DNAJB6: variants seen among roughly 807,000 people sequenced by gnomAD.
The protein encoded by DNAJB6 is dnaJ homolog subfamily B member 6.
Under a neutral mutation model 42.7 loss-of-function variants are expected in DNAJB6, and 16 were observed. The observed-to-expected ratio is 0.37, with a 90% CI of 0.25 to 0.57. DNAJB6 has a LOEUF of 0.57. Among genes scored for constraint, DNAJB6 ranks in the 20% least tolerant of loss-of-function variants. The pLI is 0.74. For missense variants in DNAJB6, 347 were observed against 416.8 expected, an observed-to-expected ratio of 0.83 and a Z score of 1.46; for synonymous variants, 170 against 163.5, an observed-to-expected ratio of 1.04 and a Z score of -0.30.
At chr7:157,380,865 T>TG (rs1341051622) in intron 5 of DNAJB6, 1 of 152,468 alleles carries the variant, frequency 6.6e-6, no homozygotes, top group African/African-American at 2.4e-5. Flanking sequence ...CCTCAGCCTT[T>TG]GCTTCTCACT....
At chr7:157,360,840 C>T (rs1347809131) in intron 2 of DNAJB6, among the ~76,000 whole-genome samples, 1 of 152,148 alleles carries the variant, frequency 6.6e-6, no homozygotes, top group African/African-American at 2.4e-5. Flanking sequence ...ACACCATGGG[C>T]CTTCCTTCCT....
chr7:157,343,028 G>C (rs1798494174), intron 1 of DNAJB6, among the ~76,000 whole-genome samples: 1 of 148,974 alleles, frequency 6.7e-6, no homozygotes, highest in Non-Finnish European at 1.5e-5. Flanking sequence ...GTCTCACTCT[G>C]TCACTTAGGC....
chr7:157,348,235 G>A (rs1798788021), intron 1 of DNAJB6, among the ~76,000 whole-genome samples: 1 of 151,848 alleles, frequency 6.6e-6, no homozygotes, highest in Admixed American at 6.6e-5. Context: ...TGGGATTACA[G>A]GCGCCCACCA....
intron 1 of DNAJB6, among the ~76,000 whole-genome samples, chr7:157,353,524 T>A (rs76321475): frequency 6.6e-6 from 1 of 151,942 alleles, no homozygotes; most frequent in Non-Finnish European, 1.5e-5. Context: ...GAACCCAGAT[T>A]GTATTTAGTT....
intron 1 of DNAJB6, among the ~76,000 whole-genome samples, chr7:157,348,827 C>T (rs574754744): frequency 6.6e-6 from 1 of 152,264 alleles, no homozygotes; most frequent in African/African-American, 2.4e-5. Context: ...ACGTTCCACC[C>T]TACTAACTTG....
chr7:157,355,839 C>T (rs975788786), intron 1 of DNAJB6, among the ~76,000 whole-genome samples: 8 of 152,208 alleles, frequency 5.3e-5, no homozygotes, highest in Non-Finnish European at 8.8e-5. Flanking sequence ...GGATGCTGCA[C>T]GTACATGACA....
At chr7:157,410,957 G>C (rs1202689673) in intron 9 of DNAJB6, 1 of 152,172 alleles carries the variant, frequency 6.6e-6, no homozygotes, top group Non-Finnish European at 1.5e-5. Flanking sequence ...TTACGCTTCC[G>C]AGGAGGACGG....
chr7:157,369,531 T>C, intron 5 of DNAJB6: 1 of 386,764 alleles, frequency 2.6e-6, no homozygotes, highest in South Asian at 1.9e-5. Flanking sequence ...CAGGCCCTGC[T>C]TAACATTATG....
At chr7:157,391,327 TC>T (rs1484837775) in intron 8 of DNAJB6, among the ~76,000 whole-genome samples, 24 of 152,162 alleles carry the variant, frequency 1.6e-4, no homozygotes, top group African/African-American at 5.6e-4. Context: ...ACCCAAAACT[TC>T]CAGGGATGCT....
chr7:157,366,805 T>C (rs1489305101), intron 4 of DNAJB6, among the ~76,000 whole-genome samples: 2 of 152,242 alleles, frequency 1.3e-5, no homozygotes, highest in East Asian at 3.8e-4. Context: ...CTGCAATATA[T>C]TGTGAACATA....
intron 5 of DNAJB6, among the ~76,000 whole-genome samples, chr7:157,376,376 A>G (rs1331122382): frequency 6.6e-6 from 1 of 152,214 alleles, no homozygotes; most frequent in East Asian, 1.9e-4. Flanking sequence ...TCCTCAGGGA[A>G]TAGCATGATA....
chr7:157,409,987 T>G lies in DNAJB6; in HGVS notation c.884T>G (p.Leu295Arg). Reference protein sequence around the residue: ...RPRAPGPWDPLASAAGLKEGG... With the variant: ...RPRAPGPWDPRASAAGLKEGG... ...CGGGCACCCGGGCCCTGGGACCCCCTCGCGTCCGCAGCAGGTGTGCAAAGG... is the reference window on the plus strand; with the variant it reads ...CGGGCACCCGGGCCCTGGGACCCCCGCGCGTCCGCAGCAGGTGTGCAAAGG... The change falls in exon 9 of 10, where the codon CTC becomes CGC. Residue 295 changes from leucine to arginine, a missense_variant. Physicochemically the swap from Leu to Arg is moderately radical, Grantham distance 102 (BLOSUM62 -2). This residue lies in a region of DNAJB6 where 264 missense variants were observed against 288.0 expected (regional missense o/e 0.92). Coordinates refer to ENST00000262177, the MANE Select transcript of DNAJB6 (RefSeq NM_058246.4). The G allele has an allele frequency of 6.5e-7, 1 of 1,531,904 alleles. No homozygotes were observed. The highest frequency in any genetic ancestry group is 1.4e-5 in the African/African-American group (1 of 72,928). 94.9% of individuals were successfully genotyped at this position (1,531,904 alleles called of 1,614,324 possible).
At chr7:157,358,702 A>G (rs1026729663) in intron 2 of DNAJB6, 65 bp downstream of exon 2, 1 of 1,286,762 alleles carries the variant, frequency 7.8e-7, no homozygotes, top group Non-Finnish European at 1.1e-6. Context: ...GAGTAGTATA[A>G]CTTCTTCTAT....
chr7:157,364,854 A>G (rs1245933308), intron 3 of DNAJB6, among the ~76,000 whole-genome samples: 1 of 152,200 alleles, frequency 6.6e-6, no homozygotes, highest in Non-Finnish European at 1.5e-5. Flanking sequence ...TCTTCAAAAC[A>G]TGGTCATTGT....
chr7:157,402,023 G>T (rs1352796125), intron 8 of DNAJB6, among the ~76,000 whole-genome samples: 1 of 152,236 alleles, frequency 6.6e-6, no homozygotes, highest in Non-Finnish European at 1.5e-5. Flanking sequence ...CTGTGACGGA[G>T]GGAGCGTGTC....
Position 157,354,168 on chromosome 7 carries a change from A to G in DNAJB6, c.-26-4379A>G, listed in dbSNP as rs141451509. Among the ~76,000 whole-genome samples, 548 of 152,090 alleles carry G rather than the reference A, an allele frequency of 3.6e-3. 3 individuals are homozygous for G. The highest frequency in any genetic ancestry group is 0.013 in the African/African-American group (525 of 41,464). On this transcript the variant is annotated intron_variant, in intron 1 of 9. Transcript: ENST00000262177. ...GTTTGTTTTTTTCGACTTTTTTGAG[A>G]TGGAGTTTTGTTCTTGTTGCCCAGG...
At chr7:157,360,403 T>C (rs1799521943) in intron 2 of DNAJB6, among the ~76,000 whole-genome samples, 1 of 152,126 alleles carries the variant, frequency 6.6e-6, no homozygotes, top group African/African-American at 2.4e-5. Context: ...ACAACTCAAG[T>C]TGAGATTTGG....
intron 8 of DNAJB6, among the ~76,000 whole-genome samples, chr7:157,388,069 C>T (rs1432553228): frequency 6.6e-6 from 1 of 152,202 alleles, no homozygotes; most frequent in Non-Finnish European, 1.5e-5. Context: ...TGGTCTGGAA[C>T]TCTTGACTTC....
intron 3 of DNAJB6, among the ~76,000 whole-genome samples, chr7:157,365,975 G>A (rs201329891): frequency 5.2e-5 from 7 of 133,644 alleles, no homozygotes; most frequent in African/African-American, 1.9e-4. Context: ...AGTCCCCCCC[G>A]CGCCTACTCT....
Sources: allele counts gnomAD v4.1 joint callset (sites outside exome capture counted in the v4.1 genomes callset), GRCh38; gene constraint gnomAD v4.1.1; regional missense constraint gnomAD v4.1.1; transcripts MANE v1.5; gene names NCBI Gene and HGNC (gene_info 2026-07-23, HGNC 2026-07-21).